The following TOP6BL variants were observed in gnomAD, a reference collection of about 807,000 sequenced individuals.
The protein encoded by TOP6BL is TOP6B like initiator of meiotic double strand breaks.
the TOP6BL span, among the ~76,000 whole-genome samples, chr11:66,752,023 GA>G: frequency 1.3e-5 from 2 of 151,978 alleles, no homozygotes; most frequent in African/African-American, 4.8e-5. Context: ...ATTTTGACTT[GA>G]TGCTTTCTGT....
At chr11:66,830,504 C>T in the TOP6BL span, among the ~76,000 whole-genome samples, 1 of 151,900 alleles carries the variant, frequency 6.6e-6, no homozygotes, top group African/African-American at 2.4e-5. Flanking sequence ...GCAAATTAAA[C>T]ACAAATTAAA....
chr11:66,772,436 A>G, the TOP6BL span, among the ~76,000 whole-genome samples: 6 of 152,138 alleles, frequency 3.9e-5, no homozygotes, highest in African/African-American at 1.4e-4. Flanking sequence ...TTGCCACTGC[A>G]CTCCAGCCTC....
chr11:66,753,484 G>A, the TOP6BL span, among the ~76,000 whole-genome samples: 1 of 147,706 alleles, frequency 6.8e-6, no homozygotes, highest in African/African-American at 2.5e-5. Flanking sequence ...TCTGCTCACT[G>A]CAAGCTCCAC....
chr11:66,752,941 C>T, the TOP6BL span, among the ~76,000 whole-genome samples: 7 of 151,968 alleles, frequency 4.6e-5, no homozygotes, highest in East Asian at 5.9e-4. Flanking sequence ...CCAGCCTGGG[C>T]GACACGGTGA....
At chr11:66,804,021 C>G in the TOP6BL span, 3 of 1,607,646 alleles carry the variant, frequency 1.9e-6, no homozygotes, top group Non-Finnish European at 2.5e-6. Flanking sequence ...ACAATTGAAT[C>G]ACACTGCAGC....
the TOP6BL span, chr11:66,761,618 A>G: frequency 8.3e-7 from 1 of 1,205,740 alleles, no homozygotes. Flanking sequence ...AAGAAAAGTA[A>G]TGTACGCCTG....
chr11:66,842,226 G>C, the TOP6BL span, among the ~76,000 whole-genome samples: 2 of 152,264 alleles, frequency 1.3e-5, no homozygotes, highest in East Asian at 3.9e-4. Context: ...GTCAGCTCAG[G>C]TATCTCCTCA....
At chr11:66,746,920 A>G in the TOP6BL span, among the ~76,000 whole-genome samples, 1 of 151,830 alleles carries the variant, frequency 6.6e-6, no homozygotes, top group African/African-American at 2.4e-5. Context: ...TTTATTTTCA[A>G]TTTGTCTCGA....
the TOP6BL span, among the ~76,000 whole-genome samples, chr11:66,790,559 C>T: frequency 6.6e-6 from 1 of 152,084 alleles, no homozygotes; most frequent in Admixed American, 6.6e-5. Flanking sequence ...TTCTTTATTG[C>T]AAAAGTAGTG....
chr11:66,792,986 T>C, the TOP6BL span, among the ~76,000 whole-genome samples: 1 of 152,224 alleles, frequency 6.6e-6, no homozygotes, highest in East Asian at 1.9e-4. Flanking sequence ...CTATGATATG[T>C]ATACCAATTG....
the TOP6BL span, among the ~76,000 whole-genome samples, chr11:66,794,069 G>A: frequency 2.9e-4 from 43 of 146,260 alleles, no homozygotes; most frequent in African/African-American, 1.1e-3. Flanking sequence ...CTATGATCAT[G>A]CCACTGCATT....
At chr11:66,827,993 A>G in the TOP6BL span, among the ~76,000 whole-genome samples, 2 of 148,508 alleles carry the variant, frequency 1.3e-5, no homozygotes, top group Non-Finnish European at 1.5e-5. Flanking sequence ...AAAAAAAAAA[A>G]GAGAGATGGG....
chr11:66,839,652 C>T, the TOP6BL span, among the ~76,000 whole-genome samples: 3 of 152,192 alleles, frequency 2.0e-5, no homozygotes, highest in Non-Finnish European at 4.4e-5. Flanking sequence ...CTGAAAAGAA[C>T]CCTGCTGTGA....
the TOP6BL span, chr11:66,748,569 C>G: frequency 7.4e-7 from 1 of 1,343,532 alleles, no homozygotes; most frequent in Non-Finnish European, 1.0e-6. Flanking sequence ...TGGTTTATGT[C>G]GTAGCTTATT....
chr11:66,841,829 G>C, the TOP6BL span, among the ~76,000 whole-genome samples: 1 of 151,896 alleles, frequency 6.6e-6, no homozygotes, highest in Non-Finnish European at 1.5e-5. Context: ...ATAGGAAGTT[G>C]TTTTATGCCT....
chr11:66,760,625 C>CAAA, the TOP6BL span, among the ~76,000 whole-genome samples: 258 of 54,122 alleles, frequency 4.8e-3, 20 homozygotes, highest in South Asian at 0.03. Context: ...CCCATCTTTA[C>CAAA]AAAAAAAAAA....
chr11:66,790,158 A>G, the TOP6BL span, among the ~76,000 whole-genome samples: 40 of 151,774 alleles, frequency 2.6e-4, no homozygotes, highest in Non-Finnish European at 5.1e-4. Flanking sequence ...AGTCCCAGCT[A>G]CTCTGGAGGC....
the TOP6BL span, among the ~76,000 whole-genome samples, chr11:66,809,848 A>G: frequency 6.6e-6 from 1 of 152,270 alleles, no homozygotes; most frequent in Middle Eastern, 3.4e-3. Context: ...TGGGACTACA[A>G]GCATGCACCA....
chr11:66,829,223 T>TA, the TOP6BL span, among the ~76,000 whole-genome samples: 8 of 151,412 alleles, frequency 5.3e-5, no homozygotes, highest in African/African-American at 1.7e-4. Context: ...CTGTCTCTAC[T>TA]AAAAATACAA....
Sources: allele counts gnomAD v4.1 joint callset (sites outside exome capture counted in the v4.1 genomes callset), GRCh38; gene constraint gnomAD v4.1.1; transcripts MANE v1.5; gene names NCBI Gene and HGNC (gene_info 2026-07-23, HGNC 2026-07-21).